Variants in HELQ observed in about 807,000 individuals in gnomAD.
The protein encoded by HELQ is helicase POLQ-like.
HELQ carries 77 observed loss-of-function variants against 111.6 expected under a neutral mutation model. That is an observed-to-expected ratio of 0.69 (90% CI 0.57 to 0.83). The LOEUF (loss-of-function observed/expected upper bound fraction) is 0.83. HELQ is among the 40% of genes least tolerant of loss of function. The pLI, the probability that HELQ is intolerant of heterozygous loss-of-function variation, is 0.00. For missense variants in HELQ, 1,200 were observed against 1,288.5 expected (o/e 0.93, Z 1.05); for synonymous variants, 438 against 454.7 (o/e 0.96, Z 0.47).
At chr4:83,421,167 T>G (rs1739662206) in intron 15 of HELQ, among the ~76,000 whole-genome samples, 1 of 152,188 alleles carries the variant, frequency 6.6e-6, no homozygotes, top group South Asian at 2.1e-4. Flanking sequence ...TGGTAGCTGT[T>G]GGATATAGGT....
At chr4:83,439,105 T>C (rs1211227724) in intron 8 of HELQ, among the ~76,000 whole-genome samples, 1 of 152,130 alleles carries the variant, frequency 6.6e-6, no homozygotes, top group Non-Finnish European at 1.5e-5. Context: ...TCTCCCTCTG[T>C]CACCCAGGCT....
At chr4:83,428,838 ATTAT>A (rs1719983425) in intron 12 of HELQ, among the ~76,000 whole-genome samples, 2 of 141,702 alleles carry the variant, frequency 1.4e-5, no homozygotes, top group East Asian at 1.9e-4. Flanking sequence ...AATATAAATG[ATTAT>A]TTGTTTAAAG....
intron 17 of HELQ, among the ~76,000 whole-genome samples, chr4:83,412,229 T>C (rs1015024299): frequency 1.3e-5 from 2 of 152,224 alleles, no homozygotes; most frequent in Non-Finnish European, 2.9e-5. Context: ...CACTGTTTTA[T>C]GTAGTGTCTC....
At chr4:83,449,642 T>C (rs769823957) in intron 2 of HELQ, among the ~76,000 whole-genome samples, 2 of 152,204 alleles carry the variant, frequency 1.3e-5, no homozygotes, top group Non-Finnish European at 2.9e-5. Context: ...TAGGATAATC[T>C]GACAATAAAA....
At chr4:83,435,367 A>G (rs1188668924) in intron 9 of HELQ, among the ~76,000 whole-genome samples, 1 of 152,172 alleles carries the variant, frequency 6.6e-6, no homozygotes, top group Non-Finnish European at 1.5e-5. Context: ...ATCCATGCAG[A>G]GACAAAAATG....
At position 83,447,077 on chromosome 4, in the gene HELQ, G is replaced by T. The variant is rs113900798; in HGVS notation, c.1192-42C>A. On this transcript the variant is annotated intron_variant, in intron 3 of 17. Coordinates refer to ENST00000295488, the MANE Select transcript of HELQ (RefSeq NM_133636.5). ...AATAAAGAAAAATTGGCCAGGCATT[G>T]TGGCCAATGCCTGTAATCCCAGTAC... 1,319 of 334,036 alleles carry T rather than the reference G, an allele frequency of 3.9e-3. 12 individuals carry two copies. Among genetic ancestry groups the T allele is most frequent in the African/African-American group, 0.035 (1,164 of 33,046 alleles). 20.7% of individuals were successfully genotyped at this position (334,036 alleles called of 1,614,324 possible). A position where few individuals can be genotyped will look rare whatever the true frequency, so the allele number is the denominator to read the frequency against.
chr4:83,430,338 C>T (rs1202353154), intron 11 of HELQ, among the ~76,000 whole-genome samples: 1 of 151,252 alleles, frequency 6.6e-6, no homozygotes, highest in Non-Finnish European at 1.5e-5. Context: ...CAAGTTTCCA[C>T]TAAAACAGCG....
chr4:83,418,889 T>G (rs1452609607), intron 15 of HELQ, among the ~76,000 whole-genome samples: 2 of 152,164 alleles, frequency 1.3e-5, no homozygotes, highest in Non-Finnish European at 2.9e-5. Flanking sequence ...AATCAATCAA[T>G]CCTGAAGCTG....
chr4:83,421,710 C>G lies in HELQ; in HGVS notation c.2802G>C (p.Arg934Ser), dbSNP rs769773697. 3.7e-6 allele frequency: 6 copies of G among 1,613,354 alleles called. No homozygotes were observed. In the Admixed American group the frequency reaches 5.0e-5, roughly 13 times the overall value. The change falls in exon 15 of 18, where the codon AGG becomes AGC. Residue 934 changes from arginine to serine, a missense_variant. Coordinates refer to ENST00000295488, the MANE Select transcript of HELQ (RefSeq NM_133636.5). The part of the protein sequence containing the change: ...GKKVDKNVVN[R>S]LYLSFVLYTL... ...TATAAAGAACAAAAGACAGATATAG[C>G]CTGTTGACAACGTTCTTGTCCACCT... is the stretch of plus-strand genomic sequence containing the variant.
chr4:83,441,334 T>C lies in HELQ; in HGVS notation c.1633A>G (p.Met545Val). 1.9e-6 allele frequency: 3 copies of C among 1,592,944 alleles called. No individual in the cohort carries two copies. Among genetic ancestry groups the C allele is most frequent in the Non-Finnish European group, 2.6e-6 (3 of 1,163,822 alleles). The change falls in exon 7 of 18, where the codon ATG (methionine) becomes GTG (valine). Residue 545 changes from methionine (M) to valine (V), a missense_variant. By Grantham distance (21) the Met-to-Val change is conservative (BLOSUM62 1). Around this residue, in one of 3 missense-constraint regions of HELQ, gnomAD observed 585 missense variants for 665.3 expected, o/e 0.88. Coordinates refer to ENST00000295488, the MANE Select transcript of HELQ (RefSeq NM_133636.5). ...YEVDSKAENG[M>V]TFSRLLNYKY... ...TAATTAAGAAGACGTGAAAAAGTCA[T>C]GCCATTCTCAGCTTTGCTGTCAACT... is the stretch of plus-strand genomic sequence containing the variant.
At chr4:83,444,395 T>A (rs971242952) in intron 5 of HELQ, among the ~76,000 whole-genome samples, 1 of 152,170 alleles carries the variant, frequency 6.6e-6, no homozygotes, top group Non-Finnish European at 1.5e-5. Context: ...TTATTTATTT[T>A]TTTGAGACAG....
chr4:83,411,016 T>C (rs893230202), intron 17 of HELQ, among the ~76,000 whole-genome samples: 46 of 149,934 alleles, frequency 3.1e-4, no homozygotes, highest in Non-Finnish European at 4.4e-5. Flanking sequence ...ATAAATTAGC[T>C]GGGTGTGGTG....
In HELQ at chr4:83,455,449, G is replaced by A. The variant is rs1462671874; in HGVS notation, c.245C>T (p.Thr82Ile). Residue 82 changes from threonine to isoleucine, a missense_variant, in exon 1 of 18, where the codon ACA (threonine) becomes ATA (isoleucine). Physicochemically the swap from Thr to Ile is moderately conservative, Grantham distance 89 (BLOSUM62 -1). Around this residue, in one of 3 missense-constraint regions of HELQ, gnomAD observed 610 missense variants for 607.1 expected, o/e 1.00. Transcript: ENST00000295488. ...CATGTGACGTAGGAGGTCCGGGTTT[G>A]TATCACCACCTCCAAGGACGAGACA... ...PECLVLGGGD[T>I]NPDLLRHMPT... The A allele has an allele frequency of 1.9e-6, 3 of 1,614,118 alleles. No individual in the cohort carries two copies. The East Asian group carries it at 6.7e-5, about 36-fold the overall frequency.
At chr4:83,424,197 T>G (rs1719714043) in intron 14 of HELQ, among the ~76,000 whole-genome samples, 1 of 152,194 alleles carries the variant, frequency 6.6e-6, no homozygotes, top group African/African-American at 2.4e-5. Flanking sequence ...GGATTCAAGC[T>G]TAAAAAGATA....
intron 2 of HELQ, among the ~76,000 whole-genome samples, chr4:83,449,832 C>T (rs1263248263): frequency 6.1e-5 from 8 of 130,326 alleles, no homozygotes; most frequent in Non-Finnish European, 6.6e-5. Flanking sequence ...ACTGGGTTGG[C>T]AAAATAAATT....
intron 9 of HELQ, among the ~76,000 whole-genome samples, 153 bp from the exon 10 acceptor site, chr4:83,432,420 G>T (rs1307002431): frequency 6.6e-6 from 1 of 151,926 alleles, no homozygotes; most frequent in Non-Finnish European, 1.5e-5. Flanking sequence ...GATTTCTTAG[G>T]TTTTTACACA....
At chr4:83,410,594 G>A (rs927659945) in intron 17 of HELQ, among the ~76,000 whole-genome samples, 1 of 152,126 alleles carries the variant, frequency 6.6e-6, no homozygotes, top group Non-Finnish European at 1.5e-5. Context: ...AAAAGAGGAA[G>A]ACTATATAGC....
chr4:83,453,875 A>T lies in HELQ; in HGVS notation c.368T>A (p.Val123Asp), dbSNP rs753388205. The change falls in exon 2 of 18, where the codon GTT becomes GAT. Residue 123 changes from valine to aspartate, a missense_variant. Physicochemically the swap from Val to Asp is radical, Grantham distance 152. Around this residue, in one of 3 missense-constraint regions of HELQ, gnomAD observed 610 missense variants for 607.1 expected, o/e 1.00. Transcript: ENST00000295488. Reference sequence around the variant, plus strand: ...CATATATTTTTGTTCCAGGTCGTCAACTTGAGCTATAAAGGAGTTTTCAGT... The same window carrying T: ...CATATATTTTTGTTCCAGGTCGTCATCTTGAGCTATAAAGGAGTTTTCAGT... The part of the protein sequence containing the change: ...SFTENSFIAQ[V>D]DDLEQKYMQL... The T allele has an allele frequency of 2.5e-6, 4 of 1,613,966 alleles. No individual in the cohort carries two copies. In the East Asian group the frequency reaches 6.7e-5, roughly 27 times the overall value.
chr4:83,452,145 TAAAAC>T (rs1259709661), intron 2 of HELQ, among the ~76,000 whole-genome samples: 1 of 152,250 alleles, frequency 6.6e-6, no homozygotes, highest in African/African-American at 2.4e-5. Flanking sequence ...TCTTTGCACT[TAAAAC>T]AAGTTTGTCC....
Sources: allele counts gnomAD v4.1 joint callset (sites outside exome capture counted in the v4.1 genomes callset), GRCh38; gene constraint gnomAD v4.1.1; regional missense constraint gnomAD v4.1.1; transcripts MANE v1.5; gene names NCBI Gene and HGNC (gene_info 2026-07-23, HGNC 2026-07-21).